The following CLMN variants were observed in gnomAD, a reference collection of about 807,000 sequenced individuals.
CLMN encodes calmin.
Under a neutral mutation model 92.7 loss-of-function variants are expected in CLMN, and 57 were observed. The ratio of observed to expected loss-of-function variants is 0.61; its 90% CI spans 0.50 to 0.77. The LOEUF (loss-of-function observed/expected upper bound fraction) is 0.77. Among genes scored for constraint, CLMN ranks in the 30% least tolerant of loss-of-function variants. CLMN has a pLI of 0.00. For missense variants in CLMN, 1,158 were observed against 1,237.5 expected (o/e 0.94, Z 0.96); for synonymous variants, 466 against 470.6 (o/e 0.99, Z 0.13).
At chr14:95,209,534 T>C (rs1897136917) in intron 7 of CLMN, 57 bp from the exon 8 acceptor site, 1 of 1,307,630 alleles carries the variant, frequency 7.6e-7, no homozygotes, top group African/African-American at 1.4e-5. Context: ...CTTTCAATAG[T>C]ATTCCCGGAT....
chr14:95,241,195 T>G (rs1898230986), intron 1 of CLMN, among the ~76,000 whole-genome samples: 1 of 151,868 alleles, frequency 6.6e-6, no homozygotes, highest in Non-Finnish European at 1.5e-5. Context: ...TGTTTTTAAG[T>G]GCATGGAAAG....
At chr14:95,307,207 G>C (rs1463918288) in intron 1 of CLMN, among the ~76,000 whole-genome samples, 2 of 152,072 alleles carry the variant, frequency 1.3e-5, no homozygotes, top group Admixed American at 1.3e-4. Context: ...CTAAAAACAG[G>C]CTCAAATCCA....
At chr14:95,293,197 C>T (rs1433864830) in intron 1 of CLMN, among the ~76,000 whole-genome samples, 5 of 94,210 alleles carry the variant, frequency 5.3e-5, no homozygotes, top group African/African-American at 1.7e-4. Context: ...CCTTCTTTCC[C>T]CCCCTTCCTT....
intron 1 of CLMN, among the ~76,000 whole-genome samples, chr14:95,246,300 A>T (rs1043658788): frequency 6.6e-6 from 1 of 152,036 alleles, no homozygotes; most frequent in African/African-American, 2.4e-5. Flanking sequence ...AATCACTCAA[A>T]CTACCAATCC....
At chr14:95,236,125 C>T (rs1421433835) in intron 1 of CLMN, among the ~76,000 whole-genome samples, 2 of 152,236 alleles carry the variant, frequency 1.3e-5, no homozygotes, top group African/African-American at 2.4e-5. Flanking sequence ...AACATTCCTG[C>T]GCAGCTGCTC....
intron 9 of CLMN, among the ~76,000 whole-genome samples, chr14:95,197,528 G>C (rs1896754607): frequency 6.6e-6 from 1 of 152,140 alleles, no homozygotes; most frequent in East Asian, 1.9e-4. Context: ...TGGGCCAAAG[G>C]GTGCAAAGGT....
chr14:95,241,845 G>T (rs777795176), intron 1 of CLMN, among the ~76,000 whole-genome samples: 1 of 152,128 alleles, frequency 6.6e-6, no homozygotes, highest in South Asian at 2.1e-4. Flanking sequence ...GTGTGCGTGT[G>T]TGTATATGGA....
intron 1 of CLMN, among the ~76,000 whole-genome samples, chr14:95,237,887 C>T (rs1264981348): frequency 6.6e-6 from 1 of 152,208 alleles, no homozygotes; most frequent in Non-Finnish European, 1.5e-5. Flanking sequence ...TCCTTTTCTC[C>T]ATGGCTCAGA....
intron 3 of CLMN, among the ~76,000 whole-genome samples, chr14:95,222,076 T>G (rs1448290714): frequency 1.3e-5 from 2 of 152,252 alleles, no homozygotes; most frequent in African/African-American, 4.8e-5. Context: ...ATTTGTCAAT[T>G]TTTTTCTCTG....
chr14:95,302,359 G>T lies in CLMN; in HGVS notation c.82+17352C>A, dbSNP rs558558778. Among the ~76,000 whole-genome samples the T allele has an allele frequency of 5.9e-5, 9 of 152,034 alleles. No individual in the cohort carries two copies. In the South Asian group the frequency reaches 1.7e-3, roughly 28 times the overall value. ...GGAAGGAAAGAAGGAAGGAGGGAAG[G>T]AGGGAGGAAGGAAAAGGTTAGCCTA... On this transcript the variant is annotated intron_variant, in intron 1 of 12. Transcript: ENST00000298912.
chr14:95,309,888 G>T (rs1229796046), intron 1 of CLMN, among the ~76,000 whole-genome samples: 2 of 152,084 alleles, frequency 1.3e-5, no homozygotes, highest in African/African-American at 4.8e-5. Flanking sequence ...CACGCTTAGT[G>T]GCTGAAAACA....
intron 2 of CLMN, 50 bp from the exon 3 acceptor site, chr14:95,223,905 A>T: frequency 7.7e-7 from 1 of 1,302,054 alleles, no homozygotes; most frequent in Non-Finnish European, 1.1e-6. Flanking sequence ...TGTGTGATCC[A>T]CAAAGCTATG....
rs1900722488 is a variant in CLMN, at chr14:95,294,359, A to C, written c.82+25352T>G. Among the ~76,000 whole-genome samples the C allele has an allele frequency of 1.3e-5, 2 of 152,234 alleles. No homozygotes were observed. Among genetic ancestry groups the C allele is most frequent in the Admixed American group, 1.3e-4 (2 of 15,284 alleles). On this transcript the variant is annotated intron_variant, in intron 1 of 12. Transcript: ENST00000298912. The surrounding 1 kb of genome is among the most constrained non-coding windows in gnomAD (Gnocchi z 4.2). ...GCAGGAAAAAGCTGGGTTTCAGGAC[A>C]CAATCTCTTAGGGCACCTCTGGAAG...
At chr14:95,235,790 C>T (rs1238811290) in intron 1 of CLMN, among the ~76,000 whole-genome samples, 1 of 152,182 alleles carries the variant, frequency 6.6e-6, no homozygotes, top group Non-Finnish European at 1.5e-5. Context: ...GTGTTTCCAG[C>T]TTCCGAGACG....
At chr14:95,257,377 T>C (rs1238979351) in intron 1 of CLMN, among the ~76,000 whole-genome samples, 1 of 152,248 alleles carries the variant, frequency 6.6e-6, no homozygotes, top group Non-Finnish European at 1.5e-5. Context: ...ATCCCAACTG[T>C]AAATGAAGGT....
chr14:95,296,836 A>G (rs34703907), intron 1 of CLMN, among the ~76,000 whole-genome samples: 15,194 of 152,238 alleles, frequency 0.1, 1,088 homozygotes, highest in East Asian at 0.23. Context: ...CTTTACAACA[A>G]TGTTGTTTCA....
intron 1 of CLMN, among the ~76,000 whole-genome samples, chr14:95,262,565 CATTT>C (rs1229962053): frequency 6.6e-6 from 1 of 151,992 alleles, no homozygotes; most frequent in Non-Finnish European, 1.5e-5. Context: ...TTTCCCATTT[CATTT>C]ATTTATTTAT....
chr14:95,305,734 C>T (rs143115748), intron 1 of CLMN, among the ~76,000 whole-genome samples: 6 of 152,290 alleles, frequency 3.9e-5, no homozygotes, highest in Admixed American at 2.6e-4. Flanking sequence ...CCAGCACCAA[C>T]GCAGGTCACC....
chr14:95,193,667 C>T (rs575166329), intron 12 of CLMN, among the ~76,000 whole-genome samples, 182 bp downstream of exon 12: 95 of 152,286 alleles, frequency 6.2e-4, no homozygotes, highest in Non-Finnish European at 1.0e-3. Flanking sequence ...ATCTACTTTT[C>T]CTTTCTACTC....
Sources: allele counts gnomAD v4.1 joint callset (sites outside exome capture counted in the v4.1 genomes callset), GRCh38; gene constraint gnomAD v4.1.1; non-coding constraint Gnocchi (gnomAD v3.1); transcripts MANE v1.5; gene names NCBI Gene and HGNC (gene_info 2026-07-23, HGNC 2026-07-21).